Variants in IFT74 observed in about 807,000 individuals in gnomAD.
IFT74 encodes the protein intraflagellar transport 74.
A neutral mutation model predicts 96.7 loss-of-function variants in IFT74; 92 were observed. The observed-to-expected ratio is 0.95, with a 90% CI of 0.80 to 1.13. The LOEUF (loss-of-function observed/expected upper bound fraction) is 1.13. IFT74 is among the 50% of genes most tolerant of loss of function. The pLI is 0.00. For synonymous variants in IFT74, 223 were observed against 213.2 expected (o/e 1.05, Z -0.40); for missense variants, 811 against 698.2 (o/e 1.16, Z -1.82).
intron 1 of IFT74, among the ~76,000 whole-genome samples, chr9:26,960,378 A>G (rs1182203374): frequency 6.6e-6 from 1 of 152,236 alleles, no homozygotes; most frequent in East Asian, 1.9e-4. Flanking sequence ...AATAGGACAT[A>G]CATTTTTATA....
At position 26,980,713 on chromosome 9, in the gene IFT74, A is replaced by C. The variant is rs1418019419; in HGVS notation, c.305+94A>C. The C allele has an allele frequency of 4.0e-6, 3 of 741,564 alleles. No individual in the cohort carries two copies. The Admixed American group carries it at 8.7e-5, about 21-fold the overall frequency. The allele number at this position is 741,564 out of a possible 1,614,324, so 45.9% of individuals were successfully genotyped here. On this transcript the variant is annotated intron_variant, in intron 4 of 19. Coordinates refer to ENST00000380062, the MANE Select transcript of IFT74 (RefSeq NM_025103.4). Reference sequence around the variant, plus strand: ...GTATATAACTTTAATATGAAGTTTTAGCTAGGCACTTATTAGGATAATTAG... The same window carrying C: ...GTATATAACTTTAATATGAAGTTTTCGCTAGGCACTTATTAGGATAATTAG...
intron 13 of IFT74, among the ~76,000 whole-genome samples, chr9:27,032,053 C>T (rs1221955508): frequency 6.6e-6 from 1 of 152,078 alleles, no homozygotes; most frequent in Non-Finnish European, 1.5e-5. Context: ...TGAATAAATT[C>T]TATAAAGAAC....
intron 10 of IFT74, among the ~76,000 whole-genome samples, chr9:27,012,353 G>A (rs916018378): frequency 1.3e-5 from 2 of 152,080 alleles, no homozygotes; most frequent in Non-Finnish European, 2.9e-5. Context: ...TTCCCAAGTA[G>A]CTAGGACTTC....
Position 27,017,396 on chromosome 9 carries a change from AT to A in IFT74, c.933+352del, listed in dbSNP as rs200297375. Among the ~76,000 whole-genome samples the A allele has an allele frequency of 6.6e-5, 10 of 151,888 alleles. No individual in the cohort carries two copies. The East Asian group carries it at 1.9e-3, about 29-fold the overall frequency. On this transcript the variant is annotated intron_variant, in intron 11 of 19. Coordinates refer to ENST00000380062, the MANE Select transcript of IFT74 (RefSeq NM_025103.4). Reference sequence around the variant, plus strand: ...GCCAACACACCAATTTTTTATTTTTATTTTTTGTAGAGATAGGGTTTTACTG... The same window carrying A: ...GCCAACACACCAATTTTTTATTTTTATTTTTGTAGAGATAGGGTTTTACTG...
At chr9:27,014,744 G>A (rs1829264283) in intron 10 of IFT74, among the ~76,000 whole-genome samples, 1 of 152,140 alleles carries the variant, frequency 6.6e-6, no homozygotes, top group Admixed American at 6.5e-5. Flanking sequence ...CGAGTAGTGG[G>A]ATTACAAGCG....
intron 7 of IFT74, 113 bp from the exon 8 acceptor site, chr9:26,990,021 G>A (rs770495636): frequency 1.5e-5 from 7 of 482,170 alleles, no homozygotes; most frequent in South Asian, 9.1e-5. Context: ...TTTGTATGTG[G>A]CACTAGGATA....
chr9:27,010,144 C>G (rs985718395), intron 9 of IFT74, among the ~76,000 whole-genome samples: 14 of 151,934 alleles, frequency 9.2e-5, no homozygotes, highest in African/African-American at 3.4e-4. Context: ...CCCGCCACCA[C>G]GCCCGGCTGA....
At chr9:26,949,531 G>A (rs1825868450) in intron 1 of IFT74, among the ~76,000 whole-genome samples, 1 of 152,086 alleles carries the variant, frequency 6.6e-6, no homozygotes, top group Non-Finnish European at 1.5e-5. Context: ...AATTGCCCCT[G>A]TGTTCTTTTA....
At chr9:26,960,249 C>T (rs1681301798) in intron 1 of IFT74, among the ~76,000 whole-genome samples, 1 of 151,684 alleles carries the variant, frequency 6.6e-6, no homozygotes, top group African/African-American at 2.4e-5. Flanking sequence ...CTAGATTTTC[C>T]TCTTGTGTGT....
chr9:27,006,118 A>G (rs900709233), intron 8 of IFT74, among the ~76,000 whole-genome samples: 2 of 152,202 alleles, frequency 1.3e-5, no homozygotes, highest in Non-Finnish European at 2.9e-5. Context: ...TGCTGGGATT[A>G]CAAGTGTGAG....
At chr9:26,987,168 G>T (rs1327734973) in intron 6 of IFT74, among the ~76,000 whole-genome samples, 2 of 152,166 alleles carry the variant, frequency 1.3e-5, no homozygotes, top group Non-Finnish European at 2.9e-5. Flanking sequence ...TCCTGCTTCA[G>T]CCTCCTGAGT....
At chr9:27,003,544 A>T (rs909283713) in intron 8 of IFT74, among the ~76,000 whole-genome samples, 1 of 152,076 alleles carries the variant, frequency 6.6e-6, no homozygotes, top group African/African-American at 2.4e-5. Context: ...AGAAAAACTA[A>T]TCAGAGTAGG....
intron 8 of IFT74, among the ~76,000 whole-genome samples, chr9:26,999,327 A>G (rs1248094161): frequency 6.6e-6 from 1 of 152,068 alleles, no homozygotes; most frequent in Non-Finnish European, 1.5e-5. Context: ...GTGCTTTTTA[A>G]AAAAAAGTTT....
At chr9:26,980,338 CT>C (rs759803118) in intron 3 of IFT74, among the ~76,000 whole-genome samples, 1 of 152,154 alleles carries the variant, frequency 6.6e-6, no homozygotes, top group Non-Finnish European at 1.5e-5. Context: ...AGTCTACTGT[CT>C]TTTAACAGCC....
chr9:26,986,494 T>G (rs1827642560), intron 6 of IFT74, among the ~76,000 whole-genome samples: 1 of 152,060 alleles, frequency 6.6e-6, no homozygotes, highest in South Asian at 2.1e-4. Context: ...TTTTTGTATT[T>G]TTTGTTGAGA....
At chr9:26,983,537 C>T (rs941919288) in intron 4 of IFT74, among the ~76,000 whole-genome samples, 3 of 152,116 alleles carry the variant, frequency 2.0e-5, no homozygotes, top group Non-Finnish European at 4.4e-5. Flanking sequence ...CAAGATAGTG[C>T]TCAACACGAG....
intron 16 of IFT74, among the ~76,000 whole-genome samples, chr9:27,049,386 G>A (rs1210673969): frequency 2.6e-5 from 4 of 152,134 alleles, no homozygotes; most frequent in Admixed American, 1.3e-4. Flanking sequence ...ACATTCTTTC[G>A]GCGGCCTTGA....
intron 13 of IFT74, among the ~76,000 whole-genome samples, chr9:27,041,732 T>G (rs1819488804): frequency 1.3e-5 from 2 of 152,154 alleles, no homozygotes; most frequent in Non-Finnish European, 2.9e-5. Context: ...ACCATTATGT[T>G]TTACCCTACC....
Position 26,962,101 on chromosome 9 carries a change from A to T in IFT74, c.120+14A>T. 2 of 1,613,786 alleles carry T rather than the reference A, an allele frequency of 1.2e-6. No individual in the cohort carries two copies. Among genetic ancestry groups the T allele is most frequent in the Non-Finnish European group, 1.7e-6 (2 of 1,179,824 alleles). The stretch of plus-strand genomic sequence containing the variant: ...GTGGCAACTGCAGTAAGTTTGAAAC[A>T]AATCTATTTACTTTGGGAGGCCAAG... On this transcript the variant is annotated intron_variant, in intron 2 of 19. Coordinates refer to ENST00000380062, the MANE Select transcript of IFT74 (RefSeq NM_025103.4).
Sources: gnomAD v4.1 joint callset for allele counts (sites outside exome capture counted in the v4.1 genomes callset) on GRCh38, gnomAD v4.1.1 for gene constraint, MANE v1.5 for transcripts, NCBI Gene and HGNC (gene_info 2026-07-23, HGNC 2026-07-21) for gene names.